Variants in CPS1 observed in about 807,000 individuals in gnomAD.
CPS1 encodes the protein carbamoyl-phosphate synthase [ammonia], mitochondrial.
Under a neutral mutation model 174.6 loss-of-function variants are expected in CPS1, and 109 were observed. That is an observed-to-expected ratio of 0.62 (90% confidence interval 0.53 to 0.73). The LOEUF (loss-of-function observed/expected upper bound fraction) is 0.73, where lower values mean the gene tolerates loss of function less well. CPS1 is among the 30% of genes least tolerant of loss of function. CPS1 has a pLI of 0.00. For synonymous variants in CPS1, 637 were observed against 632.0 expected (o/e 1.01, Z -0.12); for missense variants, 1,689 against 1,821.9 (o/e 0.93, Z 1.33).
chr2:210,559,612 C>A (rs1360817104), intron 1 of CPS1, among the ~76,000 whole-genome samples: 3 of 152,098 alleles, frequency 2.0e-5, no homozygotes, highest in Admixed American at 6.6e-5. Flanking sequence ...ATACCATAAT[C>A]TTTTTCCATT....
intron 13 of CPS1, among the ~76,000 whole-genome samples, chr2:210,595,799 T>G (rs1486612844): frequency 6.6e-6 from 1 of 151,954 alleles, no homozygotes; most frequent in African/African-American, 2.4e-5. Flanking sequence ...GAGGTTAATC[T>G]CCAAAATTAT....
Position 210,637,802 on chromosome 2 carries a change from G to A in CPS1, c.2788G>A (p.Glu930Lys). Residue 930 changes from glutamate to lysine, a missense_variant, in exon 22 of 38, where the codon GAG (glutamate) becomes AAG (lysine). Coordinates refer to ENST00000233072, the MANE Select transcript of CPS1 (RefSeq NM_001875.5). ...CLGLTEAQTR[E>K]LRLKKNIHPW... The stretch of plus-strand genomic sequence containing the variant: ...TGGGCTCACTGAGGCCCAGACAAGG[G>A]AGCTGAGGTTAAAGAAAAACATCCA... 1 of 1,613,946 alleles carries A rather than the reference G, an allele frequency of 6.2e-7. No individual in the cohort carries two copies. The highest frequency in any genetic ancestry group is 8.5e-7 in the Non-Finnish European group (1 of 1,179,920).
intron 28 of CPS1, among the ~76,000 whole-genome samples, chr2:210,652,754 T>C (rs144876082): frequency 1.2e-3 from 189 of 152,304 alleles, no homozygotes; most frequent in African/African-American, 4.3e-3. Context: ...ACCAAGATCA[T>C]GGCTAGAGAT....
intron 1 of CPS1, among the ~76,000 whole-genome samples, chr2:210,497,905 T>TACATATACATATAC (rs1559736266): frequency 7.3e-6 from 1 of 137,246 alleles, no homozygotes; most frequent in Non-Finnish European, 1.6e-5. Flanking sequence ...TATATATATA[T>TACATATACATATAC]ATATATATAT....
chr2:210,510,518 G>T (rs926249810), intron 1 of CPS1, among the ~76,000 whole-genome samples: 10 of 152,142 alleles, frequency 6.6e-5, no homozygotes, highest in Admixed American at 6.5e-4. Flanking sequence ...GGCAACAAAA[G>T]CCAAAACTGA....
At chr2:210,506,957 G>A (rs990014507) in intron 1 of CPS1, among the ~76,000 whole-genome samples, 2 of 152,154 alleles carry the variant, frequency 1.3e-5, no homozygotes, top group African/African-American at 4.8e-5. Context: ...CACTCTGCAG[G>A]ATATTATCCA....
At chr2:210,590,686 A>G in intron 8 of CPS1, 114 bp from the exon 9 acceptor site, 1 of 761,478 alleles carries the variant, frequency 1.3e-6, no homozygotes, top group Non-Finnish European at 2.3e-6. Flanking sequence ...TCTTTAATTC[A>G]GTTACTATTC....
rs778646781 is a variant in CPS1 at position 210,577,448 on chromosome 2, A to G, written c.409A>G (p.Ser137Gly). The G allele has an allele frequency of 3.7e-6, 6 of 1,613,832 alleles. No homozygotes were observed. The highest frequency in any genetic ancestry group is 5.1e-6 in the Non-Finnish European group (6 of 1,179,870). Residue 137 changes from serine (S) to glycine (G), a missense_variant, in exon 4 of 38, where the codon AGT becomes GGT. Transcript: ENST00000233072. ...KVSGLLVLDY[S>G]KDYNHWLATK... ...TTCAGGTTTGCTGGTGCTGGATTAT[A>G]GTAAAGACTACAACCACTGGCTGGC...
intron 5 of CPS1, among the ~76,000 whole-genome samples, chr2:210,582,067 C>T (rs575005177): frequency 1.3e-4 from 20 of 152,242 alleles, no homozygotes; most frequent in African/African-American, 4.8e-4. Flanking sequence ...TCTTTCAATT[C>T]AGGCCCATAG....
intron 11 of CPS1, among the ~76,000 whole-genome samples, chr2:210,594,220 T>C (rs1698403347): frequency 6.6e-6 from 1 of 151,940 alleles, no homozygotes; most frequent in Non-Finnish European, 1.5e-5. Flanking sequence ...AAACAAATGA[T>C]ATACAATTTA....
rs115644180 is a variant in CPS1 at position 210,660,860 on chromosome 2, C to T, written c.3927+205C>T. Among the ~76,000 whole-genome samples the T allele has an allele frequency of 0.016, 2,486 of 152,222 alleles. 70 individuals carry two copies. Among genetic ancestry groups the T allele is most frequent in the African/African-American group, 0.058 (2,391 of 41,518 alleles). ...GTACATTTCAAAAAAATTTTTAAAA[C>T]CATCTAGAATTGTATAACTTCAAAA... is the stretch of plus-strand genomic sequence containing the variant. On this transcript the variant is annotated intron_variant, in intron 32 of 37. Coordinates refer to ENST00000233072, the MANE Select transcript of CPS1 (RefSeq NM_001875.5).
At chr2:210,516,357 C>T (rs1695681660) in intron 1 of CPS1, among the ~76,000 whole-genome samples, 1 of 151,808 alleles carries the variant, frequency 6.6e-6, no homozygotes, top group Non-Finnish European at 1.5e-5. Flanking sequence ...CTCACCACCT[C>T]ATCCAATTGA....
chr2:210,603,914 T>C (rs1027490309), intron 16 of CPS1, among the ~76,000 whole-genome samples: 2 of 151,964 alleles, frequency 1.3e-5, no homozygotes, highest in African/African-American at 4.8e-5. Flanking sequence ...AATCGAAGAC[T>C]TCAAAAAATA....
intron 21 of CPS1, among the ~76,000 whole-genome samples, chr2:210,635,043 A>C (rs531684114): frequency 6.6e-6 from 1 of 152,254 alleles, no homozygotes; most frequent in South Asian, 2.1e-4. Flanking sequence ...TCCTGGGTTC[A>C]AGTGATTCTC....
At chr2:210,564,406 C>T (rs998537946) in intron 1 of CPS1, among the ~76,000 whole-genome samples, 22 of 151,168 alleles carry the variant, frequency 1.5e-4, no homozygotes, top group Admixed American at 2.6e-4. Context: ...GATGGAGTCT[C>T]GCTCTGTCGC....
In CPS1 at chr2:210,556,697, A is replaced by G; in HGVS notation, c.-37A>G. 1 of 1,607,596 alleles carries G rather than the reference A, an allele frequency of 6.2e-7. No homozygotes were observed. The highest frequency in any genetic ancestry group is 1.1e-5 in the South Asian group (1 of 90,478). ...CTTATCACACAATCTCATAAAATTTATGTAATTTCATTTAATTTTAGCCAC... is the reference window on the plus strand; with the variant it reads ...CTTATCACACAATCTCATAAAATTTGTGTAATTTCATTTAATTTTAGCCAC... On this transcript the variant is annotated 5_prime_UTR_variant, in exon 1 of 38. An upstream start codon of the reference 5' UTR is lost. Transcript: ENST00000233072.
At position 210,677,229 on chromosome 2, in the gene CPS1, C is replaced by T. The variant is rs981170797; in HGVS notation, c.4404+93C>T. 4.7e-6 allele frequency: 6 copies of T among 1,266,410 alleles called. No homozygotes were observed. In the East Asian group the frequency reaches 1.2e-4, roughly 24 times the overall value. 78.4% of individuals were successfully genotyped at this position (1,266,410 alleles called of 1,614,324 possible). On this transcript the variant is annotated intron_variant, in intron 37 of 37. Coordinates refer to ENST00000233072, the MANE Select transcript of CPS1 (RefSeq NM_001875.5). ...TCAGTAGATGCACATCTCTCTTTTC[C>T]CCTCTTTGTAACTTTCAGAATAGAG...
chr2:210,530,116 A>G (rs1696079811), intron 1 of CPS1, among the ~76,000 whole-genome samples: 1 of 152,020 alleles, frequency 6.6e-6, no homozygotes, highest in Admixed American at 6.6e-5. Context: ...GTTGATTCTG[A>G]AGGCAACTTA....
In CPS1 at chr2:210,571,710, A is replaced by G. The variant is rs73984636; in HGVS notation, c.127-1588A>G. Among the ~76,000 whole-genome samples, 444 of 152,168 alleles carry G rather than the reference A, an allele frequency of 2.9e-3. 3 individuals are homozygous for G. Among genetic ancestry groups the G allele is most frequent in the African/African-American group, 0.01 (428 of 41,558 alleles). On this transcript the variant is annotated intron_variant, in intron 1 of 37. Coordinates refer to ENST00000233072, the MANE Select transcript of CPS1 (RefSeq NM_001875.5). ...GCTTTGGATCTAAAAGAGGCATCTTATTTCTACAGAGAGAATTATTATAGA... is the reference window on the plus strand; with the variant it reads ...GCTTTGGATCTAAAAGAGGCATCTTGTTTCTACAGAGAGAATTATTATAGA...
Sources: gnomAD v4.1 joint callset for allele counts (sites outside exome capture counted in the v4.1 genomes callset) on GRCh38, gnomAD v4.1.1 for gene constraint, MANE v1.5 for transcripts, NCBI Gene and HGNC (gene_info 2026-07-23, HGNC 2026-07-21) for gene names.